The following SYNPR variants were observed in gnomAD, a reference collection of about 807,000 sequenced individuals.
SYNPR encodes the protein synaptoporin.
Under a neutral mutation model 32.9 loss-of-function variants are expected in SYNPR, and 23 were observed. The observed-to-expected ratio is 0.70, with a 90% CI of 0.50 to 0.99. The LOEUF (loss-of-function observed/expected upper bound fraction) is 0.99. Among genes scored for constraint, SYNPR ranks in the 50% least tolerant of loss-of-function variants. SYNPR has a pLI of 0.00. For missense variants in SYNPR, 318 were observed against 349.3 expected (o/e 0.91, Z 0.71); for synonymous variants, 146 against 135.9 (o/e 1.07, Z -0.52).
At chr3:63,462,584 T>G (rs1700605311) in intron 2 of SYNPR, among the ~76,000 whole-genome samples, 1 of 152,166 alleles carries the variant, frequency 6.6e-6, no homozygotes, top group Non-Finnish European at 1.5e-5. Context: ...TTATACTTTA[T>G]TCCCAGGACA....
chr3:63,411,322 C>T (rs1447461209), intron 2 of SYNPR, among the ~76,000 whole-genome samples: 1 of 152,098 alleles, frequency 6.6e-6, no homozygotes, highest in Non-Finnish European at 1.5e-5. Context: ...CCTATGTCCT[C>T]TTAGATCTGT....
intron 2 of SYNPR, among the ~76,000 whole-genome samples, chr3:63,338,842 G>C (rs1425143037): frequency 2.0e-5 from 3 of 152,158 alleles, no homozygotes; most frequent in Non-Finnish European, 1.5e-5. Context: ...CCCAACACAT[G>C]CCTACTCATT....
At chr3:63,270,970 T>TCTCTTTTTAAG (rs1560174659) in intron 3 of SYNPR, among the ~76,000 whole-genome samples, 5 of 15,600 alleles carry the variant, frequency 3.2e-4, no homozygotes, top group South Asian at 5.4e-3. Context: ...TCCTTCCTTC[T>TCTCTTTTTAAG]TTTCTTCCTT....
chr3:63,535,913 A>G (rs577014235), intron 3 of SYNPR, among the ~76,000 whole-genome samples: 2 of 152,000 alleles, frequency 1.3e-5, no homozygotes, highest in African/African-American at 4.8e-5. Context: ...GGTATAGACA[A>G]CCACAAAAAA....
intron 2 of SYNPR, among the ~76,000 whole-genome samples, chr3:63,434,148 C>T (rs796269280): frequency 6.6e-6 from 1 of 152,122 alleles, no homozygotes; most frequent in African/African-American, 2.4e-5. Flanking sequence ...TCTTTCCTAC[C>T]CACGCCTTAT....
intron 2 of SYNPR, among the ~76,000 whole-genome samples, chr3:63,318,468 T>G (rs1474941198): frequency 6.6e-6 from 1 of 151,966 alleles, no homozygotes; most frequent in Non-Finnish European, 1.5e-5. Context: ...CTTTTTTCTT[T>G]GTCTTTATTG....
intron 3 of SYNPR, among the ~76,000 whole-genome samples, chr3:63,488,269 C>T (rs1176914588): frequency 6.6e-6 from 1 of 152,160 alleles, no homozygotes; most frequent in East Asian, 1.9e-4. Flanking sequence ...TTTCTCATTA[C>T]CAAAGGGTTT....
intron 4 of SYNPR, among the ~76,000 whole-genome samples, chr3:63,565,600 A>T (rs1203200563): frequency 6.6e-6 from 1 of 152,156 alleles, no homozygotes; most frequent in African/African-American, 2.4e-5. Context: ...ATATTATCAC[A>T]TTGACAACAC....
intron 4 of SYNPR, among the ~76,000 whole-genome samples, chr3:63,591,078 A>G (rs1190954224): frequency 6.7e-6 from 1 of 150,164 alleles, no homozygotes; most frequent in Non-Finnish European, 1.5e-5. Context: ...GCTAATATCC[A>G]GAATCTACAA....
At chr3:63,595,752 TA>T (rs60878572) in intron 4 of SYNPR, among the ~76,000 whole-genome samples, 1 of 33,702 alleles carries the variant, frequency 3.0e-5, no homozygotes, top group African/African-American at 1.9e-4. Context: ...TATATATATA[TA>T]TATATATATA....
chr3:63,414,859 A>G (rs1310666107), intron 2 of SYNPR, among the ~76,000 whole-genome samples: 1 of 152,140 alleles, frequency 6.6e-6, no homozygotes, highest in African/African-American at 2.4e-5. Context: ...ACATATGTAT[A>G]TTTTGAATCT....
At chr3:63,324,960 G>T (rs1257920939) in intron 2 of SYNPR, among the ~76,000 whole-genome samples, 2 of 152,072 alleles carry the variant, frequency 1.3e-5, no homozygotes, top group African/African-American at 4.8e-5. Context: ...GAGAGTTTCT[G>T]ATTCTCTCAA....
At chr3:63,443,083 G>C (rs1033243325) in intron 2 of SYNPR, 1 of 1,071,414 alleles carries the variant, frequency 9.3e-7, no homozygotes, top group Non-Finnish European at 1.1e-6. Context: ...GTGCAAAGCA[G>C]TCCTGCACTT....
intron 2 of SYNPR, among the ~76,000 whole-genome samples, chr3:63,302,400 G>A (rs1183275601): frequency 6.6e-6 from 1 of 152,002 alleles, no homozygotes; most frequent in Non-Finnish European, 1.5e-5. Flanking sequence ...CCCTGGTGAG[G>A]TTGCTATTAT....
intron 2 of SYNPR, among the ~76,000 whole-genome samples, chr3:63,366,191 G>C (rs1327033400): frequency 6.6e-6 from 1 of 152,154 alleles, no homozygotes; most frequent in African/African-American, 2.4e-5. Context: ...GTTATGTACT[G>C]AATTCAAGTA....
At chr3:63,453,078 T>C (rs10866066) in intron 2 of SYNPR, among the ~76,000 whole-genome samples, 57,793 of 151,912 alleles carry the variant, frequency 0.38, 11,071 homozygotes, top group Non-Finnish European at 0.42. Context: ...TCAGGTTCCA[T>C]CCCGACCTAT....
chr3:63,303,563 C>T (rs865777617), intron 2 of SYNPR, among the ~76,000 whole-genome samples: 13 of 152,036 alleles, frequency 8.6e-5, no homozygotes, highest in African/African-American at 3.1e-4. Context: ...CAGACAGACT[C>T]ACATTCAAGT....
chr3:63,355,553 C>A (rs761196368), intron 2 of SYNPR, among the ~76,000 whole-genome samples: 1 of 152,176 alleles, frequency 6.6e-6, no homozygotes, highest in South Asian at 2.1e-4. Flanking sequence ...ATACTATTCA[C>A]CTGCATGAAA....
intron 2 of SYNPR, among the ~76,000 whole-genome samples, chr3:63,387,151 G>T (rs560820101): frequency 1.3e-5 from 2 of 152,248 alleles, no homozygotes; most frequent in Middle Eastern, 3.4e-3. Flanking sequence ...TAGCTTGATC[G>T]CCACAACAAC....
Sources: allele counts gnomAD v4.1 joint callset (sites outside exome capture counted in the v4.1 genomes callset), GRCh38; gene constraint gnomAD v4.1.1; transcripts MANE v1.5; gene names NCBI Gene and HGNC (gene_info 2026-07-23, HGNC 2026-07-21).